The following SMG6 variants were observed in gnomAD, a reference collection of about 807,000 sequenced individuals.
SMG6 encodes the protein telomerase-binding protein EST1A.
In SMG6, 66 loss-of-function variants were observed where a neutral mutation model predicts 142.2. The ratio of observed to expected loss-of-function variants is 0.46; its 90% CI spans 0.38 to 0.57. The LOEUF (loss-of-function observed/expected upper bound fraction) is 0.57, where lower values mean the gene tolerates loss of function less well. SMG6 is among the 20% of genes least tolerant of loss of function. SMG6 has a pLI of 0.00. For missense variants in SMG6, 1,793 were observed against 1,832.0 expected (o/e 0.98, Z 0.39); for synonymous variants, 779 against 702.4 (o/e 1.11, Z -1.72).
intron 8 of SMG6, among the ~76,000 whole-genome samples, chr17:2,249,604 G>A (rs893113989): frequency 2.0e-5 from 3 of 152,260 alleles, no homozygotes; most frequent in Non-Finnish European, 4.4e-5. Context: ...GATCACAGGC[G>A]TGAGCCACCT....
At chr17:2,074,422 G>C (rs72809561) in intron 15 of SMG6, among the ~76,000 whole-genome samples, 6,354 of 152,312 alleles carry the variant, frequency 0.042, 189 homozygotes, top group Admixed American at 0.074. Flanking sequence ...AAGGCAGGCA[G>C]AGCCACCAGC....
chr17:2,075,219 CT>C (rs1175670293), intron 15 of SMG6, among the ~76,000 whole-genome samples: 2 of 138,968 alleles, frequency 1.4e-5, no homozygotes, highest in Non-Finnish European at 3.0e-5. Flanking sequence ...ACAGCCCCCC[CT>C]AGCTGGGTGG....
At chr17:2,127,929 T>C (rs950851465) in intron 13 of SMG6, 1 of 564,762 alleles carries the variant, frequency 1.8e-6, no homozygotes, top group Non-Finnish European at 3.5e-6. Context: ...CCTGGACCAA[T>C]GCAGACACAA....
intron 10 of SMG6, among the ~76,000 whole-genome samples, chr17:2,231,085 G>A (rs866852724): frequency 4.6e-5 from 7 of 152,122 alleles, no homozygotes; most frequent in Admixed American, 6.5e-5. Context: ...TCTGACAAGC[G>A]GAGGATTAGG....
At chr17:2,198,950 TAAAAAAAAAAAA>T (rs55660022) in intron 10 of SMG6, among the ~76,000 whole-genome samples, 1 of 102,152 alleles carries the variant, frequency 9.8e-6, no homozygotes, top group Non-Finnish European at 2.0e-5. Flanking sequence ...AAAATAAAAT[TAAAAAAAAAAAA>T]AAAAAAAAAA....
chr17:2,066,853 C>T (rs1035192504), intron 16 of SMG6, among the ~76,000 whole-genome samples: 1 of 152,218 alleles, frequency 6.6e-6, no homozygotes, highest in Non-Finnish European at 1.5e-5. Flanking sequence ...CCAAACTAAA[C>T]AGGCTTCAAA....
In SMG6 at chr17:2,156,393, CAAAAAAAAAAAAAAA is replaced by C. The variant is rs34203812; in HGVS notation, c.3357+16250_3357+16264del. 8.4e-3 allele frequency among the ~76,000 whole-genome samples: 466 copies of C among 55,458 alleles called. 8 individuals carry two copies. Among genetic ancestry groups the C allele is most frequent in the African/African-American group, 0.035 (429 of 12,224 alleles). The allele number at this position is 55,458 out of a possible 152,430, so 36.4% of individuals were successfully genotyped here. The stretch of plus-strand genomic sequence containing the variant: ...TGGGCAACAGAGAGACACTCCTTCT[CAAAAAAAAAAAAAAA>C]AAAAAAAAAAAAAAGAGTTAAAAGC... On this transcript the variant is annotated intron_variant, in intron 13 of 18. Transcript: ENST00000263073.
At chr17:2,096,034 TC>T (rs1298151253) in intron 13 of SMG6, among the ~76,000 whole-genome samples, 2 of 152,148 alleles carry the variant, frequency 1.3e-5, no homozygotes, top group East Asian at 3.9e-4. Flanking sequence ...CATTCCCTCA[TC>T]GTCTTTTAAG....
chr17:2,288,901 A>T (rs1482540528), intron 6 of SMG6, among the ~76,000 whole-genome samples: 1 of 151,684 alleles, frequency 6.6e-6, no homozygotes, highest in East Asian at 2.0e-4. Flanking sequence ...AACACAGTGA[A>T]ACCCCGTCTC....
chr17:2,294,758 C>T (rs2075109989), intron 4 of SMG6, among the ~76,000 whole-genome samples: 1 of 152,180 alleles, frequency 6.6e-6, no homozygotes, highest in South Asian at 2.1e-4. Context: ...CATCCAAAGT[C>T]TGTACTCACC....
At chr17:2,245,621 G>A (rs1418812707) in intron 8 of SMG6, among the ~76,000 whole-genome samples, 3 of 152,224 alleles carry the variant, frequency 2.0e-5, no homozygotes, top group African/African-American at 7.2e-5. Context: ...CTGGCCTCAA[G>A]TGATCCACCT....
chr17:2,184,798 C>G (rs1160629764), intron 12 of SMG6, among the ~76,000 whole-genome samples: 1 of 150,312 alleles, frequency 6.7e-6, no homozygotes, highest in Non-Finnish European at 1.5e-5. Flanking sequence ...AACCCCGTCT[C>G]TATTAAAAAT....
At chr17:2,302,330 A>G (rs1316330598) in intron 1 of SMG6, among the ~76,000 whole-genome samples, 1 of 152,148 alleles carries the variant, frequency 6.6e-6, no homozygotes, top group Non-Finnish European at 1.5e-5. Context: ...GATCACGAGG[A>G]CAGGAGTCCA....
chr17:2,173,422 A>C (rs1381861697), intron 12 of SMG6, among the ~76,000 whole-genome samples: 1 of 152,182 alleles, frequency 6.6e-6, no homozygotes, highest in African/African-American at 2.4e-5. Context: ...CACACAAACA[A>C]ACAAAAACCT....
chr17:2,168,109 C>T (rs1375161767), intron 13 of SMG6, among the ~76,000 whole-genome samples: 3 of 152,172 alleles, frequency 2.0e-5, no homozygotes, highest in Admixed American at 6.5e-5. Flanking sequence ...CTCAAGTGCT[C>T]CTCCCACTTT....
chr17:2,292,821 A>C, intron 5 of SMG6, 50 bp downstream of exon 5: 6 of 1,543,306 alleles, frequency 3.9e-6, no homozygotes, highest in Non-Finnish European at 5.4e-6. Context: ...AGTAAGGCTT[A>C]GCTTAGAGCC....
intron 8 of SMG6, among the ~76,000 whole-genome samples, chr17:2,267,304 G>T (rs1341783584): frequency 6.6e-6 from 1 of 151,898 alleles, no homozygotes; most frequent in African/African-American, 2.4e-5. Context: ...TTCCAGACCA[G>T]AGTATTCTCC....
Position 2,186,767 on chromosome 17 carries a change from C to T in SMG6, c.3051G>A (p.Pro1017=), listed in dbSNP as rs778326645. 1.1e-5 allele frequency: 18 copies of T among 1,614,028 alleles called. No homozygotes were observed. Among genetic ancestry groups the T allele is most frequent in the Admixed American group, 3.3e-5 (2 of 60,000 alleles). The change falls in exon 12 of 19, where the codon CCG becomes CCA. Residue 1017 remains proline, a synonymous_variant. Coordinates refer to ENST00000263073, the MANE Select transcript of SMG6 (RefSeq NM_017575.5). ...QDDIKVSSFV[P]DLKELLPSVK... is the part of the protein sequence containing the mutation. ...CACTGGGGAGCAGCTCCTTCAGGTC[C>T]GGGACAAAGGAAGACACCTTGATGT... is the stretch of plus-strand genomic sequence containing the variant.
rs1163988333 is a variant in SMG6, at chr17:2,065,143, A to G, written c.4059T>C (p.Asp1353=). ...EDITGQLGNN[D]DLILSCCLHY... is the part of the protein sequence containing the mutation. The stretch of plus-strand genomic sequence containing the variant: ...GGAGGCAGCAGGACAGGATGAGATC[A>G]TCGTTGTTACCCTGGAGGAAGACGT... The change falls in exon 18 of 19, where the codon GAT becomes GAC. Residue 1353 remains aspartate (D), a synonymous_variant. Coordinates refer to ENST00000263073, the MANE Select transcript of SMG6 (RefSeq NM_017575.5). 1.2e-6 allele frequency: 2 copies of G among 1,612,980 alleles called. No homozygotes were observed. The highest frequency in any genetic ancestry group is 1.7e-6 in the Non-Finnish European group (2 of 1,179,106).
Sources: gnomAD v4.1 joint callset for allele counts (sites outside exome capture counted in the v4.1 genomes callset) on GRCh38, gnomAD v4.1.1 for gene constraint, MANE v1.5 for transcripts, NCBI Gene and HGNC (gene_info 2026-07-23, HGNC 2026-07-21) for gene names.